Variants in GBF1 observed in about 807,000 individuals in gnomAD.
GBF1 encodes Golgi-specific brefeldin A-resistance guanine nucleotide exchange factor 1.
Under a neutral mutation model 210.5 loss-of-function variants are expected in GBF1, and 114 were observed. The ratio of observed to expected loss-of-function variants is 0.54; its 90% CI spans 0.47 to 0.63. GBF1 has a LOEUF of 0.63. Ranked by LOEUF, GBF1 falls within the 30% of genes least tolerant of loss-of-function variation. The pLI, the probability that GBF1 is intolerant of heterozygous loss-of-function variation, is 0.00. For missense variants in GBF1, 1,851 were observed against 2,357.7 expected (o/e 0.79, Z 4.45); for synonymous variants, 850 against 889.2 (o/e 0.96, Z 0.78).
intron 3 of GBF1, among the ~76,000 whole-genome samples, chr10:102,319,007 A>G (rs2056124477): frequency 6.6e-6 from 1 of 152,116 alleles, no homozygotes; most frequent in African/African-American, 2.4e-5. Flanking sequence ...GGATCTGTTG[A>G]GGCCAGAAGT....
chr10:102,370,566 C>T (rs2135221750), intron 28 of GBF1, 88 bp downstream of exon 28: 2 of 1,307,194 alleles, frequency 1.5e-6, no homozygotes, highest in East Asian at 4.6e-5. Context: ...CTCTGGGGAA[C>T]TGTAGGCAGC....
intron 13 of GBF1, 31 bp downstream of exon 13, chr10:102,361,151 G>GA (rs746867398): frequency 4.9e-5 from 56 of 1,148,118 alleles, no homozygotes; most frequent in Non-Finnish European, 5.8e-5. Flanking sequence ...AGAAAAGGGG[G>GA]AAAAAAAATA....
At chr10:102,295,076 C>G (rs909838427) in intron 3 of GBF1, among the ~76,000 whole-genome samples, 3 of 152,154 alleles carry the variant, frequency 2.0e-5, no homozygotes, top group African/African-American at 7.2e-5. Flanking sequence ...GGAATTTACT[C>G]CCATATTTCT....
chr10:102,370,109 T>C, intron 26 of GBF1, 65 bp from the exon 27 acceptor site: 1 of 1,502,222 alleles, frequency 6.7e-7, no homozygotes, highest in Non-Finnish European at 9.3e-7. Flanking sequence ...TCCCCCTGGC[T>C]CTTGGGGACA....
chr10:102,376,519 G>C (rs1304574976), intron 31 of GBF1, 41 bp from the exon 32 acceptor site: 1 of 1,612,244 alleles, frequency 6.2e-7, no homozygotes, highest in Admixed American at 1.7e-5. Flanking sequence ...ATTCACACAG[G>C]GGCCAAGCCT....
intron 7 of GBF1, among the ~76,000 whole-genome samples, chr10:102,353,396 C>A (rs2059120151): frequency 6.6e-6 from 1 of 152,158 alleles, no homozygotes; most frequent in Non-Finnish European, 1.5e-5. Flanking sequence ...CAACTACCTC[C>A]TTTTGTCCAT....
chr10:102,373,632 A>C (rs1289605562), intron 29 of GBF1, among the ~76,000 whole-genome samples: 1 of 152,256 alleles, frequency 6.6e-6, no homozygotes, highest in Non-Finnish European at 1.5e-5. Context: ...AAGTAGTGAC[A>C]ATACCAAATG....
intron 3 of GBF1, among the ~76,000 whole-genome samples, chr10:102,314,036 T>A (rs1166125516): frequency 1.3e-5 from 2 of 152,008 alleles, no homozygotes; most frequent in Non-Finnish European, 2.9e-5. Flanking sequence ...AATCCAGTTC[T>A]GTGCATGTAA....
chr10:102,381,302 G>A, intron 39 of GBF1, 47 bp downstream of exon 39: 1 of 1,599,442 alleles, frequency 6.3e-7, no homozygotes, highest in East Asian at 2.2e-5. Context: ...AGCAAGCAGG[G>A]GGCCTAAGAG....
chr10:102,257,791 C>T (rs1422102955), intron 1 of GBF1, among the ~76,000 whole-genome samples: 1 of 150,266 alleles, frequency 6.7e-6, no homozygotes, highest in Non-Finnish European at 1.5e-5. Flanking sequence ...GAGAGTGTCT[C>T]GATATGCTGC....
At chr10:102,277,008 A>T (rs1394321784) in intron 3 of GBF1, among the ~76,000 whole-genome samples, 1 of 152,078 alleles carries the variant, frequency 6.6e-6, no homozygotes, top group African/African-American at 2.4e-5. Flanking sequence ...ACACGTATGT[A>T]TGTATGTATG....
At chr10:102,297,216 A>T (rs1228025051) in intron 3 of GBF1, among the ~76,000 whole-genome samples, 1 of 152,190 alleles carries the variant, frequency 6.6e-6, no homozygotes, top group East Asian at 1.9e-4. Context: ...ATTTATTTTT[A>T]AAATTTAATT....
intron 3 of GBF1, among the ~76,000 whole-genome samples, chr10:102,272,301 C>T (rs1373952106): frequency 2.0e-5 from 3 of 152,074 alleles, no homozygotes; most frequent in African/African-American, 4.8e-5. Flanking sequence ...GACAGAGTTT[C>T]GCCATGTTGG....
intron 7 of GBF1, among the ~76,000 whole-genome samples, chr10:102,352,960 C>G (rs1012544547): frequency 6.6e-6 from 1 of 152,078 alleles, no homozygotes; most frequent in Non-Finnish European, 1.5e-5. Context: ...CCAGGCAAAC[C>G]AAGATGGTTG....
At chr10:102,317,902 T>TTA (rs1475716490) in intron 3 of GBF1, among the ~76,000 whole-genome samples, 3 of 67,156 alleles carry the variant, frequency 4.5e-5, no homozygotes. Context: ...ATTTATTTAT[T>TTA]TTTATTTATT....
At chr10:102,265,048 A>G (rs1269565232) in intron 3 of GBF1, among the ~76,000 whole-genome samples, 2 of 152,212 alleles carry the variant, frequency 1.3e-5, no homozygotes, top group Non-Finnish European at 1.5e-5. Context: ...GGGATGGGGC[A>G]TGGAAGGGAA....
intron 4 of GBF1, among the ~76,000 whole-genome samples, chr10:102,345,818 A>G (rs1236540112): frequency 1.3e-5 from 2 of 152,136 alleles, no homozygotes; most frequent in South Asian, 2.1e-4. Flanking sequence ...AATGTTGTGC[A>G]GCCGTCACCA....
chr10:102,333,836 G>A (rs2057520473), intron 3 of GBF1, among the ~76,000 whole-genome samples: 1 of 152,102 alleles, frequency 6.6e-6, no homozygotes, highest in African/African-American at 2.4e-5. Context: ...CTTGACTTTT[G>A]CAAGAAATAT....
intron 8 of GBF1, among the ~76,000 whole-genome samples, chr10:102,354,147 C>A (rs2059158119): frequency 6.6e-6 from 1 of 152,156 alleles, no homozygotes; most frequent in Non-Finnish European, 1.5e-5. Context: ...AGAATGGCTT[C>A]TTTCTATCTT....
Sources: allele counts gnomAD v4.1 joint callset (sites outside exome capture counted in the v4.1 genomes callset), GRCh38; gene constraint gnomAD v4.1.1; transcripts MANE v1.5; gene names NCBI Gene and HGNC (gene_info 2026-07-23, HGNC 2026-07-21).